The following CTNND2 variants were observed in gnomAD, a reference collection of about 807,000 sequenced individuals.
The protein encoded by CTNND2 is catenin delta-2.
Under a neutral mutation model 144.4 loss-of-function variants are expected in CTNND2, and 22 were observed. That is an observed-to-expected ratio of 0.15 (90% CI 0.11 to 0.22). CTNND2 has a LOEUF of 0.22. Ranked by LOEUF, CTNND2 falls within the 10% of genes least tolerant of loss-of-function variation. CTNND2 has a pLI of 1.00. For missense variants in CTNND2, 1,353 were observed against 1,618.8 expected (o/e 0.84, Z 2.82); for synonymous variants, 751 against 695.6 (o/e 1.08, Z -1.25).
At position 11,820,389 on chromosome 5, in the gene CTNND2, C is replaced by G. The variant is rs61761636; in HGVS notation, c.37+83428G>C. Reference sequence around the variant, plus strand: ...AGAAGAAGAATGGTGCCGGGGAACACGACTGGAGGTAAAAATTAAAATGCA... The same window carrying G: ...AGAAGAAGAATGGTGCCGGGGAACAGGACTGGAGGTAAAAATTAAAATGCA... On this transcript the variant is annotated intron_variant, in intron 1 of 21. Coordinates refer to ENST00000304623, the MANE Select transcript of CTNND2 (RefSeq NM_001332.4). 2.4e-3 allele frequency among the ~76,000 whole-genome samples: 361 copies of G among 152,216 alleles called. 1 individual carries two copies. Among genetic ancestry groups the G allele is most frequent in the Middle Eastern group, 3.4e-3 (1 of 294 alleles).
chr5:11,796,464 T>C (rs1791407820), intron 1 of CTNND2, among the ~76,000 whole-genome samples: 1 of 152,246 alleles, frequency 6.6e-6, no homozygotes, highest in Non-Finnish European at 1.5e-5. Flanking sequence ...TTTGCAGTAA[T>C]ATTTTAGCAT....
intron 9 of CTNND2, among the ~76,000 whole-genome samples, chr5:11,242,513 C>G (rs1236162805): frequency 6.6e-6 from 1 of 152,132 alleles, no homozygotes; most frequent in East Asian, 1.9e-4. Context: ...TTTAGCAAAG[C>G]CTGAAGACAG....
At chr5:11,691,100 G>T (rs545238851) in intron 2 of CTNND2, among the ~76,000 whole-genome samples, 1 of 152,124 alleles carries the variant, frequency 6.6e-6, no homozygotes, top group Non-Finnish European at 1.5e-5. Context: ...GGCCGGGCGC[G>T]GTGGCTCACA....
At chr5:11,878,579 A>G (rs979373439) in intron 1 of CTNND2, among the ~76,000 whole-genome samples, 1 of 152,264 alleles carries the variant, frequency 6.6e-6, no homozygotes, top group Non-Finnish European at 1.5e-5. Flanking sequence ...AGGCTTGAAC[A>G]GCTGGGAAAG....
chr5:11,831,681 A>C lies in CTNND2; in HGVS notation c.37+72136T>G, dbSNP rs979550560. The stretch of plus-strand genomic sequence containing the variant: ...GACTCTGTATCAAAAAAAAAAAAAA[A>C]AGAGTTCAGAAATATTTCCCCCTCA... On this transcript the variant is annotated intron_variant, in intron 1 of 21. Transcript: ENST00000304623. 4.0e-5 allele frequency among the ~76,000 whole-genome samples: 6 copies of C among 151,782 alleles called. No homozygotes were observed. In the South Asian group the frequency reaches 8.3e-4, roughly 21 times the overall value.
intron 1 of CTNND2, among the ~76,000 whole-genome samples, chr5:11,758,443 C>T (rs1213276841): frequency 6.6e-6 from 1 of 151,908 alleles, no homozygotes; most frequent in Non-Finnish European, 1.5e-5. Flanking sequence ...CAGGAAAGCT[C>T]ATTCGTCCTG....
chr5:11,783,572 G>A (rs1203849429), intron 1 of CTNND2, among the ~76,000 whole-genome samples: 1 of 151,992 alleles, frequency 6.6e-6, no homozygotes, highest in African/African-American at 2.4e-5. Context: ...TGGTTTTTAG[G>A]TATAGAGCAG....
chr5:11,354,464 T>C (rs1235865960), intron 8 of CTNND2, among the ~76,000 whole-genome samples: 3 of 152,206 alleles, frequency 2.0e-5, no homozygotes, highest in Non-Finnish European at 4.4e-5. Context: ...AAACCACAGG[T>C]GCTGTGACCC....
intron 9 of CTNND2, among the ~76,000 whole-genome samples, chr5:11,295,904 A>C (rs1271264915): frequency 6.6e-6 from 1 of 152,160 alleles, no homozygotes; most frequent in Non-Finnish European, 1.5e-5. Flanking sequence ...AGGCAATACC[A>C]TTCAGGACAT....
chr5:11,133,407 C>A, intron 12 of CTNND2, among the ~76,000 whole-genome samples: 1 of 152,044 alleles, frequency 6.6e-6, no homozygotes, highest in Non-Finnish European at 1.5e-5. Context: ...GGCTGGAGTG[C>A]AATGATGCGA....
intron 3 of CTNND2, among the ~76,000 whole-genome samples, chr5:11,454,082 T>C (rs1189649735): frequency 1.3e-5 from 2 of 152,246 alleles, no homozygotes; most frequent in Admixed American, 1.3e-4. Context: ...TGAGTTTTCC[T>C]ATATTTTCTA....
At chr5:11,653,070 CGTGT>C (rs58056553) in intron 2 of CTNND2, among the ~76,000 whole-genome samples, 23,595 of 143,122 alleles carry the variant, frequency 0.16, 1,928 homozygotes, top group Non-Finnish European at 0.18. Context: ...GAACAAAATT[CGTGT>C]GTGTGTGTGT....
intron 3 of CTNND2, among the ~76,000 whole-genome samples, chr5:11,484,565 G>A (rs1768621347): frequency 6.6e-6 from 1 of 152,194 alleles, no homozygotes; most frequent in Non-Finnish European, 1.5e-5. Context: ...TCTATATCCT[G>A]TGGGAAGCAG....
intron 2 of CTNND2, among the ~76,000 whole-genome samples, chr5:11,648,172 C>CCT (rs1782461730): frequency 1.5e-5 from 2 of 132,452 alleles, no homozygotes. Context: ...AGAACAGTGA[C>CCT]TTTTTTTTTT....
rs61750725 is a variant in CTNND2, at chr5:11,238,244, C to T, written c.1629-1421G>A. 2.0e-3 allele frequency among the ~76,000 whole-genome samples: 307 copies of T among 152,222 alleles called. 1 individual carries two copies. The highest frequency in any genetic ancestry group is 7.0e-3 in the African/African-American group (291 of 41,538). On this transcript the variant is annotated intron_variant, in intron 9 of 21. Coordinates refer to ENST00000304623, the MANE Select transcript of CTNND2 (RefSeq NM_001332.4). The stretch of plus-strand genomic sequence containing the variant: ...TTTAACAGAGAAATAAAATAGCAAC[C>T]TCCAAGACCACAGGTAAAAACTTGA...
In CTNND2 at chr5:11,904,039, G is replaced by T; in HGVS notation, c.-186C>A. ...GCGCCGCGGGCGAGAGGCGGCTCCC[G>T]ACGCGAGTGCGCAGCGCCCGGCCCG... On this transcript the variant is annotated 5_prime_UTR_variant, in exon 1 of 22. Coordinates refer to ENST00000304623, the MANE Select transcript of CTNND2 (RefSeq NM_001332.4). The surrounding 1 kb of genome is among the most constrained non-coding windows in gnomAD (Gnocchi z 4.2). The T allele has an allele frequency of 2.1e-6, 1 of 468,798 alleles. No individual in the cohort carries two copies. Among genetic ancestry groups the T allele is most frequent in the Non-Finnish European group, 3.1e-6 (1 of 317,750 alleles). The allele number at this position is 468,798 out of a possible 1,614,324, so 29.0% of individuals were successfully genotyped here. A position where few individuals can be genotyped will look rare whatever the true frequency, so the allele number is the denominator to read the frequency against.
chr5:11,049,700 C>A (rs1659193714), intron 16 of CTNND2, among the ~76,000 whole-genome samples: 1 of 152,182 alleles, frequency 6.6e-6, no homozygotes, highest in East Asian at 1.9e-4. Flanking sequence ...TATCCAGGCA[C>A]CCAAACCCAC....
At chr5:11,521,966 CTA>C (rs1319454362) in intron 3 of CTNND2, among the ~76,000 whole-genome samples, 1 of 152,126 alleles carries the variant, frequency 6.6e-6, no homozygotes, top group South Asian at 2.1e-4. Context: ...TTGCTGCAAC[CTA>C]TATAGTCTAT....
At chr5:11,689,836 A>C (rs1221205570) in intron 2 of CTNND2, among the ~76,000 whole-genome samples, 1 of 152,206 alleles carries the variant, frequency 6.6e-6, no homozygotes, top group Non-Finnish European at 1.5e-5. Flanking sequence ...TGCTGATCCC[A>C]TCATCTCTTT....
Sources: allele counts gnomAD v4.1 joint callset (sites outside exome capture counted in the v4.1 genomes callset), GRCh38; gene constraint gnomAD v4.1.1; non-coding constraint Gnocchi (gnomAD v3.1); transcripts MANE v1.5; gene names NCBI Gene and HGNC (gene_info 2026-07-23, HGNC 2026-07-21).